CPA6: variants seen among roughly 807,000 people sequenced by gnomAD.
CPA6 encodes the protein carboxypeptidase A6.
A neutral mutation model predicts 63.3 loss-of-function variants in CPA6; 58 were observed. The observed-to-expected ratio is 0.92, with a 90% CI of 0.74 to 1.14. CPA6 has a LOEUF of 1.14. CPA6 is among the 50% of genes most tolerant of loss of function. CPA6 has a pLI of 0.00. For synonymous variants in CPA6, 185 were observed against 179.0 expected (o/e 1.03, Z -0.27); for missense variants, 565 against 526.6 (o/e 1.07, Z -0.71).
chr8:67,712,568 C>T (rs900498649), intron 1 of CPA6, among the ~76,000 whole-genome samples: 2 of 152,092 alleles, frequency 1.3e-5, no homozygotes, highest in Non-Finnish European at 2.9e-5. Flanking sequence ...CATGAATCCT[C>T]ATAAGGGATA....
At chr8:67,430,324 C>A (rs2128951706) in intron 9 of CPA6, among the ~76,000 whole-genome samples, 1 of 151,810 alleles carries the variant, frequency 6.6e-6, no homozygotes, top group South Asian at 2.1e-4. Context: ...GGATTACAGG[C>A]ACCCGCGACC....
At chr8:67,541,926 G>T (rs1488785711) in intron 2 of CPA6, among the ~76,000 whole-genome samples, 1 of 152,208 alleles carries the variant, frequency 6.6e-6, no homozygotes, top group Non-Finnish European at 1.5e-5. Context: ...AGCTGCGGAC[G>T]AGAGCTGTTC....
At chr8:67,580,654 G>C (rs1035535627) in intron 2 of CPA6, among the ~76,000 whole-genome samples, 1 of 152,116 alleles carries the variant, frequency 6.6e-6, no homozygotes, top group Non-Finnish European at 1.5e-5. Flanking sequence ...ATGTGTGAGC[G>C]TCTATTGACT....
At chr8:67,432,555 G>A (rs916335062) in intron 9 of CPA6, among the ~76,000 whole-genome samples, 1 of 152,086 alleles carries the variant, frequency 6.6e-6, no homozygotes, top group Non-Finnish European at 1.5e-5. Flanking sequence ...GACCTCATGA[G>A]CTCAAGTGAT....
At chr8:67,738,605 T>C (rs1178533172) in intron 1 of CPA6, among the ~76,000 whole-genome samples, 1 of 152,150 alleles carries the variant, frequency 6.6e-6, no homozygotes, top group Admixed American at 6.5e-5. Flanking sequence ...TACTAAAATG[T>C]TTTACTATTT....
At chr8:67,718,625 G>A (rs1232191870) in intron 1 of CPA6, among the ~76,000 whole-genome samples, 1 of 151,374 alleles carries the variant, frequency 6.6e-6, no homozygotes, top group Non-Finnish European at 1.5e-5. Context: ...GGAGATATGG[G>A]TTATCTGCAC....
chr8:67,548,646 G>C lies in CPA6; in HGVS notation c.193-30599C>G, dbSNP rs535633902. Among the ~76,000 whole-genome samples the C allele has an allele frequency of 3.3e-5, 5 of 152,190 alleles. No individual in the cohort carries two copies. In the East Asian group the frequency reaches 9.6e-4, roughly 29 times the overall value. ...GATTAAAATTATATCCAGAATATGA[G>C]TTTTTAATGTAAGAAAAATGTTCTA... On this transcript the variant is annotated intron_variant, in intron 2 of 10. Coordinates refer to ENST00000297770, the MANE Select transcript of CPA6 (RefSeq NM_020361.5).
chr8:67,536,731 ATGTT>A (rs1213628673), intron 2 of CPA6, among the ~76,000 whole-genome samples: 1 of 152,088 alleles, frequency 6.6e-6, no homozygotes, highest in Admixed American at 6.5e-5. Flanking sequence ...TTCCAATACT[ATGTT>A]GAATAGGATT....
intron 2 of CPA6, among the ~76,000 whole-genome samples, chr8:67,551,264 C>T (rs1394716461): frequency 1.3e-5 from 2 of 152,116 alleles, no homozygotes; most frequent in African/African-American, 4.8e-5. Flanking sequence ...CCAGCTATCC[C>T]AGCACCATTT....
intron 2 of CPA6, among the ~76,000 whole-genome samples, chr8:67,571,294 T>C (rs181343249): frequency 1.7e-3 from 255 of 152,280 alleles, no homozygotes; most frequent in African/African-American, 5.9e-3. Flanking sequence ...GAACAGATCA[T>C]GTAGACAGAA....
intron 3 of CPA6, 139 bp downstream of exon 3, chr8:67,517,784 T>C: frequency 1.2e-6 from 1 of 842,204 alleles, no homozygotes; most frequent in Non-Finnish European, 1.8e-6. Flanking sequence ...AAGGTGAATA[T>C]ATTCATGTCA....
chr8:67,529,812 A>AAC (rs1812440250), intron 2 of CPA6, among the ~76,000 whole-genome samples: 1 of 152,186 alleles, frequency 6.6e-6, no homozygotes, highest in East Asian at 1.9e-4. Context: ...ATCCAATCAT[A>AAC]CCCCAAGAAG....
intron 1 of CPA6, among the ~76,000 whole-genome samples, chr8:67,744,206 G>A (rs1817965133): frequency 6.6e-6 from 1 of 152,172 alleles, no homozygotes; most frequent in Non-Finnish European, 1.5e-5. Flanking sequence ...AGAAGCTCTA[G>A]GCTTGTATTG....
At chr8:67,475,852 TTTC>T (rs1323841697) in intron 8 of CPA6, among the ~76,000 whole-genome samples, 13 of 97,920 alleles carry the variant, frequency 1.3e-4, no homozygotes, top group Middle Eastern at 4.6e-3. Context: ...TCTTTCTTTC[TTTC>T]TTTCTTTCTT....
At chr8:67,670,521 A>G (rs1298251384) in intron 1 of CPA6, among the ~76,000 whole-genome samples, 1 of 152,186 alleles carries the variant, frequency 6.6e-6, no homozygotes, top group Non-Finnish European at 1.5e-5. Flanking sequence ...CTTAAAGTGA[A>G]GGTTATTTAC....
intron 1 of CPA6, among the ~76,000 whole-genome samples, chr8:67,737,743 A>T (rs1449430256): frequency 6.6e-6 from 1 of 152,248 alleles, no homozygotes; most frequent in Admixed American, 6.5e-5. Context: ...AACAATTCTC[A>T]GCCTTGCCAA....
At chr8:67,507,999 TTGTGTGTGTGTGTGTGTGTG>T (rs145996041) in intron 5 of CPA6, among the ~76,000 whole-genome samples, 44 of 142,396 alleles carry the variant, frequency 3.1e-4, no homozygotes, top group Non-Finnish European at 5.4e-4. Context: ...ATGGGGTGCT[TTGTGTGTGTGTGTGTGTGTG>T]TGTGTGTGTG....
intron 3 of CPA6, among the ~76,000 whole-genome samples, chr8:67,516,682 A>G (rs1450841064): frequency 2.0e-5 from 3 of 152,190 alleles, no homozygotes; most frequent in Non-Finnish European, 4.4e-5. Context: ...AAGGAAACTC[A>G]TTGTTCCTTT....
intron 1 of CPA6, among the ~76,000 whole-genome samples, chr8:67,716,314 G>A (rs186344517): frequency 3.3e-5 from 5 of 152,112 alleles, no homozygotes; most frequent in Non-Finnish European, 7.4e-5. Flanking sequence ...GAGATAGGTC[G>A]CATAAGATAC....
Sources: gnomAD v4.1 joint callset for allele counts (sites outside exome capture counted in the v4.1 genomes callset) on GRCh38, gnomAD v4.1.1 for gene constraint, MANE v1.5 for transcripts, NCBI Gene and HGNC (gene_info 2026-07-23, HGNC 2026-07-21) for gene names.